Variants in ARHGAP9 observed in about 807,000 individuals in gnomAD.
The protein encoded by ARHGAP9 is Rho GTPase activating protein 9.
In ARHGAP9, 76 loss-of-function variants were observed where a neutral mutation model predicts 87.3. The observed-to-expected ratio is 0.87, with a 90% CI of 0.72 to 1.05. ARHGAP9 has a LOEUF of 1.05. ARHGAP9 is among the 50% of genes least tolerant of loss of function. The pLI, the probability that ARHGAP9 is intolerant of heterozygous loss-of-function variation, is 0.00. For missense variants in ARHGAP9, 941 were observed against 960.5 expected (o/e 0.98, Z 0.27); for synonymous variants, 382 against 394.9 (o/e 0.97, Z 0.39).
At position 57,479,438 on chromosome 12, in the gene ARHGAP9, G is replaced by A; in HGVS notation, c.-18-14C>T. ...CAGCACTGTCACCTGTGAGAAAAAG[G>A]GACACTGGAGACCCAGAAGGGAATA... On this transcript the variant is annotated splice_polypyrimidine_tract_variant and intron_variant, in intron 1 of 17. Coordinates refer to ENST00000393791, the MANE Select transcript of ARHGAP9 (RefSeq NM_032496.4). 1 of 1,600,152 alleles carries A rather than the reference G, an allele frequency of 6.2e-7. No homozygotes were observed. The highest frequency in any genetic ancestry group is 8.5e-7 in the Non-Finnish European group (1 of 1,173,878).
At chr12:57,483,548 C>T (rs888762094), upstream of ARHGAP9, among the ~76,000 whole-genome samples, 5 of 152,176 alleles carry the variant, frequency 3.3e-5, no homozygotes, top group African/African-American at 7.2e-5. Context: ...CCTCTCTACA[C>T]TTTTCACAGT....
Position 57,472,408 on chromosome 12 carries a change from G to A in ARHGAP9, c.*109C>T. The A allele has an allele frequency of 7.4e-7, 1 of 1,353,812 alleles. No homozygotes were observed. The highest frequency in any genetic ancestry group is 9.9e-7 in the Non-Finnish European group (1 of 1,012,842). The allele number at this position is 1,353,812 out of a possible 1,614,324, so 83.9% of individuals were successfully genotyped here. A position where few individuals can be genotyped will look rare whatever the true frequency, so the allele number is the denominator to read the frequency against. Reference sequence around the variant, plus strand: ...CAACACCTCAAGTCACACTCATGAAGATAGAGACAGTCATTTGGGAGATTT... The same window carrying A: ...CAACACCTCAAGTCACACTCATGAAAATAGAGACAGTCATTTGGGAGATTT... On this transcript the variant is annotated 3_prime_UTR_variant, in exon 18 of 18. Coordinates refer to ENST00000393791, the MANE Select transcript of ARHGAP9 (RefSeq NM_032496.4).
At position 57,475,027 on chromosome 12, in the gene ARHGAP9, C is replaced by CT; in HGVS notation, c.1553-55dup. 12 of 1,562,088 alleles carry CT rather than the reference C, an allele frequency of 7.7e-6. No individual in the cohort carries two copies. In the South Asian group the frequency reaches 1.3e-4, roughly 17 times the overall value. ...AGTGCCAGCGTCACTCACAGGAGCT[C>CT]TTCTCAGCATAGGTCTTTATCCTTA... On this transcript the variant is annotated intron_variant, in intron 12 of 17. Coordinates refer to ENST00000393791, the MANE Select transcript of ARHGAP9 (RefSeq NM_032496.4).
rs145006564 is a variant in ARHGAP9 at position 57,476,917 on chromosome 12, G to T, written c.917C>A (p.Ala306Asp). 8.1e-6 allele frequency: 13 copies of T among 1,613,920 alleles called. No homozygotes were observed. The highest frequency in any genetic ancestry group is 5.3e-5 in the African/African-American group (4 of 74,860). The change falls in exon 6 of 18, where the codon GCC (alanine) becomes GAC (aspartate). Residue 306 changes from alanine to aspartate, a missense_variant. Coordinates refer to ENST00000393791, the MANE Select transcript of ARHGAP9 (RefSeq NM_032496.4). ...CGGCAGAGGTCGAGGGGCCTGCAAG[G>T]CTGGAGGGTCAAGCTGCGAGGTGCG... ...SQRTSQLDPP[A>D]LQAPRPLPQL...
At chr12:57,473,428 A>T (rs1872514565) in intron 17 of ARHGAP9, among the ~76,000 whole-genome samples, 175 bp downstream of exon 17, 1 of 152,030 alleles carries the variant, frequency 6.6e-6, no homozygotes, top group Non-Finnish European at 1.5e-5. Context: ...TAAATAAAAT[A>T]AAAAAATAAA....
Position 57,472,670 on chromosome 12 carries a change from A to G in ARHGAP9, c.2043T>C (p.Asp681=). 1.2e-6 allele frequency: 2 copies of G among 1,614,172 alleles called. No individual in the cohort carries two copies. Among genetic ancestry groups the G allele is most frequent in the Non-Finnish European group, 1.7e-6 (2 of 1,180,026 alleles). The stretch of plus-strand genomic sequence containing the variant: ...GGTTGTGGGGTGTCATGCGATTCTT[A>G]TCTGAGTGTGCTATCACCCTGTAAG... ...EHLCRVIAHS[D]KNRMTPHNLG... The change falls in exon 18 of 18, where the codon GAT becomes GAC. Residue 681 remains aspartate, a synonymous_variant. Coordinates refer to ENST00000393791, the MANE Select transcript of ARHGAP9 (RefSeq NM_032496.4).
chr12:57,477,869 G>C, intron 3 of ARHGAP9, 189 bp from the exon 4 acceptor site: 2 of 1,409,540 alleles, frequency 1.4e-6, no homozygotes, highest in Non-Finnish European at 1.9e-6. Context: ...CTCTCTCACA[G>C]TTTTCTTTGC....
intron 1 of ARHGAP9, among the ~76,000 whole-genome samples, chr12:57,485,034 C>T (rs1424444362): frequency 6.6e-6 from 1 of 151,732 alleles, no homozygotes; most frequent in African/African-American, 2.4e-5. Context: ...CAACCTCTGC[C>T]TCCCGGGTTC....
intron 5 of ARHGAP9, 84 bp from the exon 6 acceptor site, chr12:57,477,047 G>C (rs1321038550): frequency 1.1e-5 from 17 of 1,514,998 alleles, no homozygotes; most frequent in Non-Finnish European, 1.5e-5. Flanking sequence ...GTGGGATACG[G>C]GTGAGAGGTG....
At chr12:57,483,981 C>T, upstream of ARHGAP9, 1 of 441,890 alleles carries the variant, frequency 2.3e-6, no homozygotes, top group Non-Finnish European at 4.5e-6. Flanking sequence ...GCAGAGATTG[C>T]ACTGAGCTGA....
At chr12:57,478,345 C>T (rs1454437210) in intron 3 of ARHGAP9, 195 bp downstream of exon 3, 1 of 618,676 alleles carries the variant, frequency 1.6e-6, no homozygotes, top group Non-Finnish European at 2.8e-6. Context: ...AATGCCGTGA[C>T]CTCACAGATG....
chr12:57,478,037 G>A, intron 3 of ARHGAP9: 1 of 1,008,414 alleles, frequency 9.9e-7, no homozygotes, highest in Non-Finnish European at 1.3e-6. Context: ...ACAGAGAAGG[G>A]TCTACAGAAG....
upstream of ARHGAP9, chr12:57,480,183 A>G (rs1258105014): frequency 1.2e-6 from 1 of 839,998 alleles, no homozygotes; most frequent in African/African-American, 1.9e-5. Context: ...GGGTTCATTC[A>G]TGCTTTTTTT....
chr12:57,479,695 G>A (rs1303548871), intron 1 of ARHGAP9, 35 bp downstream of exon 1: 2 of 1,550,862 alleles, frequency 1.3e-6, no homozygotes, highest in Non-Finnish European at 1.7e-6. Context: ...GAAATTAGAG[G>A]AGATGACCTA....
chr12:57,488,102 C>G (rs761521550), intron 1 of ARHGAP9: 2 of 1,613,958 alleles, frequency 1.2e-6, no homozygotes, highest in South Asian at 1.1e-5. Context: ...TGAGACTGTT[C>G]GTGAGTGATG....
chr12:57,475,017 C>T (rs1395136968), intron 12 of ARHGAP9, 44 bp from the exon 13 acceptor site: 2 of 1,581,466 alleles, frequency 1.3e-6, no homozygotes, highest in Non-Finnish European at 8.7e-7. Context: ...CAGCGTCACT[C>T]ACAGGAGCTC....
Position 57,478,067 on chromosome 12 carries a change from A to T in ARHGAP9, c.535-387T>A, listed in dbSNP as rs1338334554. The T allele has an allele frequency of 5.5e-6, 4 of 729,662 alleles. No homozygotes were observed. The East Asian group carries it at 3.2e-4, about 59-fold the overall frequency. 45.2% of individuals were successfully genotyped at this position (729,662 alleles called of 1,614,324 possible). A position where few individuals can be genotyped will look rare whatever the true frequency, so the allele number is the denominator to read the frequency against. ...CAGAAGGGAAGAGGAGCCCCTTTCC[A>T]CCCACGGTTAAGAAAGAGAGGGAAG... On this transcript the variant is annotated intron_variant, in intron 3 of 17. Coordinates refer to ENST00000393791, the MANE Select transcript of ARHGAP9 (RefSeq NM_032496.4).
In ARHGAP9 at chr12:57,488,496, C is replaced by T. The variant is rs1010410535; in HGVS notation, c.-204+116G>A. The T allele has an allele frequency of 5.7e-6, 8 of 1,405,146 alleles. No homozygotes were observed. In the African/African-American group the frequency reaches 8.6e-5, roughly 15 times the overall value. The allele number at this position is 1,405,146 out of a possible 1,614,324, so 87.0% of individuals were successfully genotyped here. A position where few individuals can be genotyped will look rare whatever the true frequency, so the allele number is the denominator to read the frequency against. ...CTTCCCAACCTTCTCCTACACCTAT[C>T]AGGCATCCCCCTCTGCTCTTTAGTT... On this transcript the variant is annotated intron_variant, in intron 1 of 20. Transcript: ENST00000393797.
chr12:57,476,071 G>C lies in ARHGAP9; in HGVS notation c.1212C>G (p.His404Gln). 6.5e-7 allele frequency: 1 copy of C among 1,533,376 alleles called. No homozygotes were observed. The highest frequency in any genetic ancestry group is 8.8e-7 in the Non-Finnish European group (1 of 1,141,284). The allele number at this position is 1,533,376 out of a possible 1,614,324, so 95.0% of individuals were successfully genotyped here. The part of the protein sequence containing the change: ...RHLSSRRNVL[H>Q]IRTIPGHEFL... ...TGGGGACGCGCGGGAGGGCGCTCAC[G>C]TGCAGGACGTTGCGGCGGCTGGACA... Residue 404 changes from histidine to glutamine, a missense_variant and splice_region_variant, in exon 9 of 18, where the codon CAC becomes CAG. Physicochemically the swap from His to Gln is conservative, Grantham distance 24 (BLOSUM62 0). Transcript: ENST00000393791.
Sources: allele counts gnomAD v4.1 joint callset (sites outside exome capture counted in the v4.1 genomes callset), GRCh38; gene constraint gnomAD v4.1.1; transcripts MANE v1.5; gene names NCBI Gene and HGNC (gene_info 2026-07-23, HGNC 2026-07-21).